PLEKHA6: variants seen among roughly 807,000 people sequenced by gnomAD.
The protein encoded by PLEKHA6 is pleckstrin homology domain containing A6.
PLEKHA6 carries 60 observed loss-of-function variants against 116.7 expected under a neutral mutation model. That is an observed-to-expected ratio of 0.51 (90% CI 0.42 to 0.64). The LOEUF (loss-of-function observed/expected upper bound fraction) is 0.64. PLEKHA6 is among the 30% of genes least tolerant of loss of function. PLEKHA6 has a pLI of 0.00. For synonymous variants in PLEKHA6, 489 were observed against 556.1 expected (o/e 0.88, Z 1.70); for missense variants, 1,338 against 1,422.7 (o/e 0.94, Z 0.96).
intron 2 of PLEKHA6, among the ~76,000 whole-genome samples, chr1:204,369,966 T>C (rs1048943710): frequency 1.3e-5 from 2 of 152,196 alleles, no homozygotes; most frequent in Non-Finnish European, 2.9e-5. Context: ...TCTGATGTAA[T>C]GCTACTACTT....
chr1:204,371,723 C>G (rs1044055487), intron 1 of PLEKHA6: 1 of 152,250 alleles, frequency 6.6e-6, no homozygotes, highest in Non-Finnish European at 1.5e-5. Flanking sequence ...GAGATGAGAG[C>G]ATCCACAAGG....
At position 204,261,426 on chromosome 1, in the gene PLEKHA6, G is replaced by T. The variant is rs778651237; in HGVS notation, c.404C>A (p.Thr135Asn). ...TFKAEHAGVR[T>N]YFFSAESPEE... ...GGGGCTCTCGGCACTGAAGAAGTAGGTGCGGACCCCGGCATGCTCAGCCTG... is the reference window on the plus strand; with the variant it reads ...GGGGCTCTCGGCACTGAAGAAGTAGTTGCGGACCCCGGCATGCTCAGCCTG... The change falls in exon 7 of 23, where the codon ACC (threonine) becomes AAC (asparagine). Residue 135 changes from threonine (T) to asparagine (N), a missense_variant. By Grantham distance (65) the Thr-to-Asn change is moderately conservative (BLOSUM62 0). This residue lies in a region of PLEKHA6 where 140 missense variants were observed against 197.4 expected (regional missense o/e 0.71). Transcript: ENST00000272203. This position sits in a 1 kb window ranked among gnomAD's most constrained non-coding sequence, Gnocchi z 4.0. The T allele has an allele frequency of 6.2e-7, 1 of 1,612,668 alleles. No individual in the cohort carries two copies. Among genetic ancestry groups the T allele is most frequent in the South Asian group, 1.1e-5 (1 of 90,968 alleles).
intron 3 of PLEKHA6, among the ~76,000 whole-genome samples, chr1:204,272,780 C>T (rs1172941497): frequency 6.6e-6 from 1 of 152,242 alleles, no homozygotes; most frequent in Non-Finnish European, 1.5e-5. Flanking sequence ...TCATATTTCT[C>T]ATATTCTGCC....
chr1:204,229,803 T>A (rs566310125), intron 18 of PLEKHA6, among the ~76,000 whole-genome samples: 43 of 152,202 alleles, frequency 2.8e-4, no homozygotes, highest in Non-Finnish European at 5.7e-4. Flanking sequence ...GAGTCATAAT[T>A]TTTCCATATT....
At chr1:204,249,648 A>AATAGAAACT (rs576252721) in intron 10 of PLEKHA6, among the ~76,000 whole-genome samples, 225 of 152,268 alleles carry the variant, frequency 1.5e-3, no homozygotes, top group Middle Eastern at 3.4e-3. Context: ...AGCAGTGAGC[A>AATAGAAACT]ATAGAAACTG....
At chr1:204,270,885 G>T (rs905044461) in intron 3 of PLEKHA6, among the ~76,000 whole-genome samples, 2 of 152,060 alleles carry the variant, frequency 1.3e-5, no homozygotes, top group Non-Finnish European at 2.9e-5. Context: ...CGTGCCTTTC[G>T]CAGTGTGCTC....
At chr1:204,308,687 C>CTTTCTTTTTTTT (rs775770952) in intron 1 of PLEKHA6, among the ~76,000 whole-genome samples, 18 of 81,404 alleles carry the variant, frequency 2.2e-4, no homozygotes, top group African/African-American at 7.5e-4. Flanking sequence ...TTTTCTTTTT[C>CTTTCTTTTTTTT]TTTTTTTTTT....
chr1:204,267,945 T>C (rs1667016864), intron 4 of PLEKHA6, among the ~76,000 whole-genome samples: 1 of 151,478 alleles, frequency 6.6e-6, no homozygotes, highest in Non-Finnish European at 1.5e-5. Context: ...TCCCATGGGG[T>C]TGGGGATTCA....
chr1:204,345,211 T>A (rs971345865), intron 1 of PLEKHA6, among the ~76,000 whole-genome samples: 1 of 152,186 alleles, frequency 6.6e-6, no homozygotes, highest in African/African-American at 2.4e-5. Context: ...CAACACCAAA[T>A]CTGGAAGACA....
At chr1:204,251,141 A>G (rs1416698992) in intron 9 of PLEKHA6, among the ~76,000 whole-genome samples, 3 of 152,212 alleles carry the variant, frequency 2.0e-5, no homozygotes, top group Non-Finnish European at 4.4e-5. Flanking sequence ...TGGACGCCAC[A>G]TCTGGTGACC....
chr1:204,327,557 A>G (rs1398295140), intron 1 of PLEKHA6, among the ~76,000 whole-genome samples: 1 of 152,250 alleles, frequency 6.6e-6, no homozygotes, highest in Non-Finnish European at 1.5e-5. Context: ...CCTTGCAAGC[A>G]GACTTCCTCA....
intron 1 of PLEKHA6, among the ~76,000 whole-genome samples, chr1:204,320,833 C>G (rs1377319909): frequency 6.6e-6 from 1 of 152,094 alleles, no homozygotes; most frequent in East Asian, 1.9e-4. Flanking sequence ...CTTAGCCTTC[C>G]CCCAAAAAAC....
chr1:204,233,392 A>C (rs1374094638), intron 17 of PLEKHA6, among the ~76,000 whole-genome samples: 2 of 148,082 alleles, frequency 1.4e-5, no homozygotes, highest in Non-Finnish European at 3.0e-5. Flanking sequence ...CCAGGCTGGA[A>C]TGCAGGGGTG....
At chr1:204,285,459 GT>G (rs11365108) in intron 1 of PLEKHA6, among the ~76,000 whole-genome samples, 54,892 of 149,970 alleles carry the variant, frequency 0.37, 10,207 homozygotes, top group East Asian at 0.52. Context: ...GTTGTTGTTG[GT>G]TTTTTTTTGG....
chr1:204,265,996 C>G (rs955643217), intron 5 of PLEKHA6, among the ~76,000 whole-genome samples: 5 of 152,172 alleles, frequency 3.3e-5, no homozygotes, highest in Non-Finnish European at 7.3e-5. Flanking sequence ...AAGGCCCTCT[C>G]CAATTCCCTG....
chr1:204,342,123 T>A (rs2103319028), intron 1 of PLEKHA6, among the ~76,000 whole-genome samples: 1 of 152,298 alleles, frequency 6.6e-6, no homozygotes, highest in South Asian at 2.1e-4. Context: ...AGGCAGAGGT[T>A]GCAGTGAGCC....
intron 11 of PLEKHA6, 68 bp from the exon 12 acceptor site, chr1:204,249,038 C>T (rs887152455): frequency 5.1e-6 from 8 of 1,560,822 alleles, no homozygotes; most frequent in Admixed American, 1.7e-5. Context: ...ACAGCAGAGG[C>T]CTGAGCCCTT....
chr1:204,365,945 G>C (rs186095460), intron 3 of PLEKHA6, among the ~76,000 whole-genome samples: 150 of 152,300 alleles, frequency 9.8e-4, no homozygotes, highest in African/African-American at 3.5e-3. Flanking sequence ...TGGGCTAATC[G>C]AGAAGTCGGA....
intron 21 of PLEKHA6, among the ~76,000 whole-genome samples, chr1:204,226,584 A>C (rs753659289): frequency 1.3e-5 from 2 of 152,136 alleles, no homozygotes; most frequent in Non-Finnish European, 2.9e-5. Context: ...TTGTGGCCAG[A>C]CTGGTTTTGC....
Sources: allele counts gnomAD v4.1 joint callset (sites outside exome capture counted in the v4.1 genomes callset), GRCh38; gene constraint gnomAD v4.1.1; regional missense constraint gnomAD v4.1.1; non-coding constraint Gnocchi (gnomAD v3.1); transcripts MANE v1.5; gene names NCBI Gene and HGNC (gene_info 2026-07-23, HGNC 2026-07-21).